Variants in KANK1 observed in about 807,000 individuals in gnomAD.
KANK1 encodes KN motif and ankyrin repeat domains 1, also known as KN motif and ankyrin repeat domain-containing protein 1.
Under a neutral mutation model 106.2 loss-of-function variants are expected in KANK1, and 109 were observed. The ratio of observed to expected loss-of-function variants is 1.03; its 90% confidence interval spans 0.88 to 1.20. The LOEUF (loss-of-function observed/expected upper bound fraction) is 1.20. Ranked by LOEUF, KANK1 falls within the 50% of genes most tolerant of loss-of-function variation. KANK1 has a pLI of 0.00. For missense variants in KANK1, 2,399 were observed against 1,710.7 expected, an observed-to-expected ratio of 1.40 and a Z score of -7.10; for synonymous variants, 873 against 652.2, an observed-to-expected ratio of 1.34 and a Z score of -5.16.
intron 2 of KANK1, among the ~76,000 whole-genome samples, chr9:683,139 C>T (rs1817900779): frequency 6.6e-6 from 1 of 152,150 alleles, no homozygotes; most frequent in Non-Finnish European, 1.5e-5. Context: ...TTAGACCTGT[C>T]ATCTGTGTTA....
intron 2 of KANK1, chr9:471,697 G>T (rs1462632714): frequency 1.3e-5 from 2 of 152,346 alleles, no homozygotes; most frequent in African/African-American, 4.8e-5. Context: ...GAGGCCAGGG[G>T]TTCGAAACCT....
In KANK1 at chr9:641,771, G is replaced by A. The variant is rs78594506; in HGVS notation, c.-83-35119G>A. On this transcript the variant is annotated intron_variant, in intron 1 of 11. Transcript: ENST00000382297. ...CTTCAGCTACCAGCTTACCCTGATC[G>A]TAATGACAAGGAAATTCATACATTT... 2.1e-4 allele frequency among the ~76,000 whole-genome samples: 32 copies of A among 152,086 alleles called. No homozygotes were observed. In the East Asian group the frequency reaches 3.7e-3, roughly 17 times the overall value.
Position 472,897 on chromosome 9 carries a change from A to G in KANK1, c.-441-297A>G, listed in dbSNP as rs2058045349. Reference sequence around the variant, plus strand: ...TCAGCCTCCTAATGGTCAGCATGAGAGCATGAACTACCCTAGGTGAGACCA... The same window carrying G: ...TCAGCCTCCTAATGGTCAGCATGAGGGCATGAACTACCCTAGGTGAGACCA... On this transcript the variant is annotated intron_variant, in intron 2 of 15. Transcript: ENST00000382303. Among the ~76,000 whole-genome samples the G allele has an allele frequency of 2.0e-5, 3 of 152,282 alleles. No individual in the cohort carries two copies. The East Asian group carries it at 5.8e-4, about 29-fold the overall frequency.
At chr9:508,340 T>G (rs952269962) in intron 1 of KANK1, among the ~76,000 whole-genome samples, 2 of 151,952 alleles carry the variant, frequency 1.3e-5, no homozygotes, top group Non-Finnish European at 2.9e-5. Context: ...TTTCTCCATG[T>G]TGGTCAGGCT....
chr9:643,229 C>T (rs1260063821), intron 1 of KANK1, among the ~76,000 whole-genome samples: 2 of 150,964 alleles, frequency 1.3e-5, no homozygotes, highest in Middle Eastern at 3.4e-3. Context: ...TTGTGTGTGT[C>T]TGTATTTTCT....
chr9:691,793 TTTTG>T, intron 2 of KANK1, among the ~76,000 whole-genome samples: 1 of 149,648 alleles, frequency 6.7e-6, no homozygotes. Context: ...TTTTTTTTTT[TTTTG>T]GTAGAGACAG....
rs35377139 is a variant in KANK1 at position 524,982 on chromosome 9, C to CTTTTTTTTTTTTTT, written c.-84+20237_-84+20250dup. The stretch of plus-strand genomic sequence containing the variant: ...TTAGTCAATCCCAAACTCTTGCTGC[C>CTTTTTTTTTTTTTT]TTTTTTTTTTTTTTTTTTTTTTGAG... On this transcript the variant is annotated intron_variant, in intron 1 of 11. Transcript: ENST00000382297. 3.0e-4 allele frequency among the ~76,000 whole-genome samples: 28 copies of CTTTTTTTTTTTTTT among 91,958 alleles called. 3 individuals carry two copies. Among genetic ancestry groups the CTTTTTTTTTTTTTT allele is most frequent in the African/African-American group, 1.2e-3 (26 of 21,334 alleles). The allele number at this position is 91,958 out of a possible 152,430, so 60.3% of individuals were successfully genotyped here.
At chr9:726,491 T>C (rs977985163) in intron 3 of KANK1, among the ~76,000 whole-genome samples, 2 of 151,726 alleles carry the variant, frequency 1.3e-5, no homozygotes, top group African/African-American at 2.4e-5. Flanking sequence ...ATACAAAAAT[T>C]AGCTAGGCAT....
At chr9:718,810 G>T (rs1351194818) in intron 3 of KANK1, among the ~76,000 whole-genome samples, 1 of 152,120 alleles carries the variant, frequency 6.6e-6, no homozygotes, top group Non-Finnish European at 1.5e-5. Flanking sequence ...CAACATATTT[G>T]TCCTTTCTCC....
chr9:711,326 T>C lies in KANK1; in HGVS notation c.560T>C (p.Phe187Ser). Residue 187 changes from phenylalanine (F) to serine (S), a missense_variant, in exon 3 of 12, where the codon TTT (phenylalanine) becomes TCT (serine). By Grantham distance (155) the Phe-to-Ser change is radical (BLOSUM62 -2). Transcript: ENST00000382297. ...TTCAGAAGGCCCAGGCTGGCCAGTT[T>C]TGGAGGCATGGGCACCACAAGCTCC... ...GEFRRPRLAS[F>S]GGMGTTSSLP... 6.2e-7 allele frequency: 1 copy of C among 1,614,112 alleles called. No homozygotes were observed.
intron 8 of KANK1, 23 bp from the exon 9 acceptor site, chr9:740,768 AC>A: frequency 6.6e-7 from 1 of 1,505,790 alleles, no homozygotes; most frequent in Non-Finnish European, 9.0e-7. Flanking sequence ...TTCCTAAGAG[AC>A]TTTTTTTTTT....
chr9:723,938 GAA>G (rs34095663), intron 3 of KANK1, among the ~76,000 whole-genome samples: 1 of 135,220 alleles, frequency 7.4e-6, no homozygotes, highest in African/African-American at 2.8e-5. Context: ...TTAAAAATAC[GAA>G]AAAAAAAAAA....
intron 1 of KANK1, among the ~76,000 whole-genome samples, chr9:538,321 T>A (rs556780445): frequency 1.6e-4 from 25 of 152,298 alleles, no homozygotes; most frequent in African/African-American, 5.8e-4. Flanking sequence ...AGGCCCTCTA[T>A]CTCAGGGCCC....
rs559320803 is a variant in KANK1, at chr9:623,692, G to A, written c.-83-53198G>A. Among the ~76,000 whole-genome samples, 4 of 151,816 alleles carry A rather than the reference G, an allele frequency of 2.6e-5. 1 individual carries two copies. Among genetic ancestry groups the A allele is most frequent in the Middle Eastern group, 3.4e-3 (1 of 290 alleles). On this transcript the variant is annotated intron_variant, in intron 1 of 11. Transcript: ENST00000382297. ...GAAATGCAAATCAAAACCACAATGAGATATTATCTCACATTTGTTAGGATG... is the reference window on the plus strand; with the variant it reads ...GAAATGCAAATCAAAACCACAATGAAATATTATCTCACATTTGTTAGGATG...
chr9:679,358 AC>A (rs1817051348), intron 2 of KANK1, among the ~76,000 whole-genome samples: 1 of 152,214 alleles, frequency 6.6e-6, no homozygotes, highest in African/African-American at 2.4e-5. Context: ...ATATATACAT[AC>A]ATATATGTAT....
At position 583,405 on chromosome 9, in the gene KANK1, C is replaced by T. The variant is rs1822660216; in HGVS notation, c.-84+78651C>T. 2.6e-5 allele frequency among the ~76,000 whole-genome samples: 4 copies of T among 152,152 alleles called. No homozygotes were observed. In the South Asian group the frequency reaches 6.2e-4, roughly 24 times the overall value. ...GCTTTTGTTTTTATGATGATTACTTCCACTCATGACTTTACCTGCATGTTC... is the reference window on the plus strand; with the variant it reads ...GCTTTTGTTTTTATGATGATTACTTTCACTCATGACTTTACCTGCATGTTC... On this transcript the variant is annotated intron_variant, in intron 1 of 11. Transcript: ENST00000382297.
chr9:605,584 G>T (rs187570608), intron 1 of KANK1, among the ~76,000 whole-genome samples: 41 of 151,922 alleles, frequency 2.7e-4, no homozygotes, highest in Non-Finnish European at 5.6e-4. Flanking sequence ...TGAGGCAGCT[G>T]TGTAATATTG....
At position 554,816 on chromosome 9, in the gene KANK1, A is replaced by G. The variant is rs151079670; in HGVS notation, c.-84+50062A>G. Among the ~76,000 whole-genome samples, 140 of 152,342 alleles carry G rather than the reference A, an allele frequency of 9.2e-4. 2 individuals are homozygous for G. Among genetic ancestry groups the G allele is most frequent in the African/African-American group, 3.2e-3 (132 of 41,580 alleles). On this transcript the variant is annotated intron_variant, in intron 1 of 11. Transcript: ENST00000382297. ...AAATAGGATGATGTCTTTTGTTTCC[A>G]AAGTCGATATACTAGAACGATGTGA...
At chr9:623,815 A>G (rs573659010) in intron 1 of KANK1, among the ~76,000 whole-genome samples, 134 of 152,270 alleles carry the variant, frequency 8.8e-4, no homozygotes, top group African/African-American at 3.1e-3. Flanking sequence ...TACAGCCATT[A>G]TGGACATTGG....
Sources: gnomAD v4.1 joint callset for allele counts (sites outside exome capture counted in the v4.1 genomes callset) on GRCh38, gnomAD v4.1.1 for gene constraint, MANE v1.5 for transcripts, NCBI Gene and HGNC (gene_info 2026-07-23, HGNC 2026-07-21) for gene names.